The following NLGN4Y variants were observed in gnomAD, a reference collection of about 807,000 sequenced individuals.
The protein encoded by NLGN4Y is neuroligin-4, Y-linked.
NLGN4Y carries 4 observed loss-of-function variants against 8.4 expected under a neutral mutation model. The observed-to-expected ratio is 0.48, with a 90% confidence interval of 0.23 to 1.09. The LOEUF (loss-of-function observed/expected upper bound fraction) is 1.09. NLGN4Y is among the 50% of genes least tolerant of loss of function. The pLI is 0.19. For missense variants in NLGN4Y, 90 were observed against 192.3 expected (o/e 0.47, Z 3.15); for synonymous variants, 35 against 75.6 (o/e 0.46, Z 2.78).
chrY:14,707,032 C>T, intron 2 of NLGN4Y, among the ~76,000 whole-genome samples: 1 of 13,769 alleles, frequency 7.3e-5, no homozygotes, highest in African/African-American at 2.8e-4. Context: ...CAAAGTTATT[C>T]GGTTTTGAAT....
chrY:14,538,822 T>G, intron 1 of NLGN4Y, among the ~76,000 whole-genome samples: 1 of 33,504 alleles, frequency 3.0e-5, no homozygotes, highest in Non-Finnish European at 7.4e-5. Flanking sequence ...CAGGCTGGTC[T>G]CAAACTCCTG....
chrY:14,731,027 GTGTGTA>G (rs2080970562), intron 4 of NLGN4Y, among the ~76,000 whole-genome samples: 1 of 29,393 alleles, frequency 3.4e-5, no homozygotes, highest in East Asian at 1.0e-3. Context: ...GTGTGTGTGT[GTGTGTA>G]TAGTTCTTGT....
Position 14,843,050 on chromosome Y carries a change from G to A in NLGN4Y, c.*1788G>A, listed in dbSNP as rs956277697. On this transcript the variant is annotated 3_prime_UTR_variant, in exon 7 of 7. Coordinates refer to ENST00000684976, the MANE Select transcript of NLGN4Y (RefSeq NM_001365588.1). ...CAATGTTAAATGCCTCTACTAAAGT[G>A]GGGATTCCCCATAAAAATTGTCCAG... 1 of 121,603 alleles carries A rather than the reference G, an allele frequency of 8.2e-6. No homozygotes were observed. The highest frequency in any genetic ancestry group is 1.8e-5 in the Non-Finnish European group (1 of 56,124). The allele number at this position is 121,603 out of a possible 400,897, so 30.3% of individuals were successfully genotyped here.
intron 4 of NLGN4Y, among the ~76,000 whole-genome samples, chrY:14,764,332 G>T: frequency 3.0e-5 from 1 of 33,432 alleles, no homozygotes. Flanking sequence ...GGTTTTCTCT[G>T]CAGCCCTTAT....
At chrY:14,598,938 A>ATG (rs2080417235) in intron 1 of NLGN4Y, among the ~76,000 whole-genome samples, 1 of 25,021 alleles carries the variant, frequency 4.0e-5, no homozygotes, top group Non-Finnish European at 9.0e-5. Flanking sequence ...TAACATATAT[A>ATG]TGTGTGTGTG....
intron 2 of NLGN4Y, among the ~76,000 whole-genome samples, chrY:14,697,342 AAAG>A (rs2080832336): frequency 1.3e-4 from 4 of 31,834 alleles, no homozygotes; most frequent in African/African-American, 5.0e-4. Flanking sequence ...AGATAGATAG[AAAG>A]ATAGATAGAT....
At chrY:14,542,460 C>T in intron 1 of NLGN4Y, among the ~76,000 whole-genome samples, 1 of 33,148 alleles carries the variant, frequency 3.0e-5, no homozygotes, top group African/African-American at 1.2e-4. Context: ...TCAAGTGGAC[C>T]TAACAGACAT....
intron 4 of NLGN4Y, among the ~76,000 whole-genome samples, chrY:14,740,882 A>C: frequency 3.0e-5 from 1 of 32,978 alleles, no homozygotes; most frequent in East Asian, 8.1e-4. Context: ...TGCTTATGTT[A>C]AAACAATTGT....
At chrY:14,645,234 G>A (rs1279979908) in intron 2 of NLGN4Y, among the ~76,000 whole-genome samples, 3 of 21,082 alleles carry the variant, frequency 1.4e-4, no homozygotes, top group African/African-American at 4.0e-4. Flanking sequence ...GGACAGTGGC[G>A]CAAATTTGGC....
chrY:14,562,052 G>T (rs2080229733), intron 1 of NLGN4Y, among the ~76,000 whole-genome samples: 1 of 33,257 alleles, frequency 3.0e-5, no homozygotes, highest in Non-Finnish European at 7.4e-5. Context: ...TTCTTTTGCT[G>T]TGCAGAAGCT....
intron 1 of NLGN4Y, among the ~76,000 whole-genome samples, chrY:14,587,515 G>T: frequency 3.0e-5 from 1 of 33,298 alleles, no homozygotes; most frequent in Non-Finnish European, 7.4e-5. Flanking sequence ...GATGATCTAA[G>T]AATGCCCTCA....
intron 1 of NLGN4Y, among the ~76,000 whole-genome samples, chrY:14,602,666 C>G: frequency 3.0e-5 from 1 of 33,553 alleles, no homozygotes; most frequent in African/African-American, 1.2e-4. Flanking sequence ...GTAAAGCTTT[C>G]TGCTTTAATA....
At chrY:14,782,979 C>T in intron 4 of NLGN4Y, among the ~76,000 whole-genome samples, 1 of 33,843 alleles carries the variant, frequency 3.0e-5, no homozygotes, top group Non-Finnish European at 7.3e-5. Flanking sequence ...GAGCACTTTT[C>T]TCACTATTGG....
chrY:14,664,952 A>C, intron 2 of NLGN4Y, among the ~76,000 whole-genome samples: 1 of 34,086 alleles, frequency 2.9e-5, no homozygotes, highest in African/African-American at 1.1e-4. Flanking sequence ...CCAAGAAAGA[A>C]CAAAGTAATT....
intron 4 of NLGN4Y, among the ~76,000 whole-genome samples, chrY:14,788,648 A>G (rs756225745): frequency 1.5e-3 from 50 of 33,677 alleles, no homozygotes; most frequent in African/African-American, 4.9e-3. Context: ...AGTATCATAC[A>G]ATTGTATTGG....
rs761511452 is a variant in NLGN4Y, at chrY:14,665,455, C to T, written c.472+42864C>T. ...TGCCAAGGTTGAGAAACTCTTCTAA[C>T]GGTTGGAGAAAAATGATCAATGGAT... On this transcript the variant is annotated intron_variant, in intron 2 of 6. Transcript: ENST00000684976. Among the ~76,000 whole-genome samples the T allele has an allele frequency of 5.7e-4, 19 of 33,184 alleles. No homozygotes were observed. The East Asian group carries it at 0.015, about 25-fold the overall frequency. 89.0% of individuals were successfully genotyped at this position (33,184 alleles called of 37,273 possible).
At chrY:14,699,377 AT>A in intron 2 of NLGN4Y, among the ~76,000 whole-genome samples, 1 of 33,497 alleles carries the variant, frequency 3.0e-5, no homozygotes, top group Non-Finnish European at 7.4e-5. Context: ...GCCCAAGACA[AT>A]TCTTCTTCTT....
intron 4 of NLGN4Y, among the ~76,000 whole-genome samples, chrY:14,765,940 C>T (rs954128917): frequency 3.0e-5 from 1 of 32,978 alleles, no homozygotes. Flanking sequence ...CCTAAAACAA[C>T]GTAACATTCT....
chrY:14,755,802 T>G (rs113823072), intron 4 of NLGN4Y, among the ~76,000 whole-genome samples: 141 of 33,969 alleles, frequency 4.2e-3, no homozygotes, highest in African/African-American at 0.015. Flanking sequence ...ATGACACCAC[T>G]GCACTGCAAC....
Sources: gnomAD v4.1 joint callset for allele counts (sites outside exome capture counted in the v4.1 genomes callset) on GRCh38, gnomAD v4.1.1 for gene constraint, MANE v1.5 for transcripts, NCBI Gene and HGNC (gene_info 2026-07-23, HGNC 2026-07-21) for gene names.